KCNH1: variants seen among roughly 807,000 people sequenced by gnomAD.
KCNH1 encodes the protein potassium voltage-gated channel subfamily H member 1.
Under a neutral mutation model 69.2 loss-of-function variants are expected in KCNH1, and 27 were observed. The ratio of observed to expected loss-of-function variants is 0.39; its 90% CI spans 0.29 to 0.54. The LOEUF is 0.54. KCNH1 is among the 20% of genes least tolerant of loss of function. The pLI is 0.68. For missense variants in KCNH1, 798 were observed against 1,261.6 expected (o/e 0.63, Z 5.57); for synonymous variants, 456 against 487.7 (o/e 0.93, Z 0.86).
chr1:210,824,429 C>A (rs1052686143), intron 7 of KCNH1, among the ~76,000 whole-genome samples: 1 of 151,976 alleles, frequency 6.6e-6, no homozygotes, highest in African/African-American at 2.4e-5. Context: ...CCCCTCACTG[C>A]ATGTTAACAT....
At chr1:210,867,515 G>GA (rs1017062979) in intron 7 of KCNH1, among the ~76,000 whole-genome samples, 12 of 151,592 alleles carry the variant, frequency 7.9e-5, no homozygotes, top group African/African-American at 2.2e-4. Flanking sequence ...GGTGTTTTCT[G>GA]AAAAAAAATT....
intron 6 of KCNH1, among the ~76,000 whole-genome samples, chr1:210,934,559 A>T (rs1301052893): frequency 6.6e-6 from 1 of 152,158 alleles, no homozygotes; most frequent in Non-Finnish European, 1.5e-5. Flanking sequence ...GAATCGCTTG[A>T]AACCAGGAGG....
At chr1:211,075,275 A>G (rs962030631) in intron 5 of KCNH1, among the ~76,000 whole-genome samples, 30 of 152,236 alleles carry the variant, frequency 2.0e-4, no homozygotes, top group African/African-American at 7.0e-4. Context: ...AATGGTACAA[A>G]TGAATGCTCC....
chr1:211,052,539 G>A (rs572786916), intron 5 of KCNH1, among the ~76,000 whole-genome samples: 10 of 152,162 alleles, frequency 6.6e-5, no homozygotes, highest in Non-Finnish European at 1.2e-4. Context: ...TCATTTCAGC[G>A]TTATCACTTT....
chr1:210,991,978 T>A (rs575837264), intron 6 of KCNH1, among the ~76,000 whole-genome samples: 2 of 152,234 alleles, frequency 1.3e-5, no homozygotes, highest in African/African-American at 4.8e-5. Context: ...GAATAAATAG[T>A]AATACATAAA....
intron 7 of KCNH1, among the ~76,000 whole-genome samples, chr1:210,813,918 T>G (rs147050087): frequency 5.4e-4 from 82 of 152,288 alleles, no homozygotes; most frequent in African/African-American, 1.8e-3. Context: ...AATGGGAGTT[T>G]CCCCACACAA....
intron 6 of KCNH1, among the ~76,000 whole-genome samples, chr1:211,018,463 T>C (rs541172514): frequency 7.2e-5 from 11 of 152,336 alleles, no homozygotes; most frequent in Admixed American, 2.6e-4. Context: ...TCAGCAACTA[T>C]ATACTCAATA....
At chr1:211,026,965 C>G (rs1689695693) in intron 5 of KCNH1, among the ~76,000 whole-genome samples, 1 of 152,190 alleles carries the variant, frequency 6.6e-6, no homozygotes, top group Admixed American at 6.5e-5. Flanking sequence ...CCTCCCTCTT[C>G]TTCTGCCATA....
intron 1 of KCNH1, among the ~76,000 whole-genome samples, chr1:211,126,638 G>A (rs926418219): frequency 1.4e-5 from 2 of 145,040 alleles, no homozygotes; most frequent in Non-Finnish European, 3.0e-5. Flanking sequence ...AGCTGACATC[G>A]CACCACTCCA....
intron 6 of KCNH1, among the ~76,000 whole-genome samples, chr1:210,974,585 A>C (rs1688568980): frequency 9.4e-6 from 1 of 106,898 alleles, no homozygotes; most frequent in Non-Finnish European, 1.7e-5. Flanking sequence ...TTTTTTTGAG[A>C]TGGAGTCTCA....
At chr1:210,788,784 C>T (rs1466860472) in intron 9 of KCNH1, among the ~76,000 whole-genome samples, 1 of 143,988 alleles carries the variant, frequency 6.9e-6, no homozygotes, top group Non-Finnish European at 1.5e-5. Flanking sequence ...GCAAGCTCCG[C>T]CTCCCGGGTT....
At chr1:210,934,805 C>G (rs1024691296) in intron 6 of KCNH1, among the ~76,000 whole-genome samples, 1 of 149,682 alleles carries the variant, frequency 6.7e-6, no homozygotes, top group African/African-American at 2.5e-5. Flanking sequence ...GAGGATGAGA[C>G]GAAAAAGGAA....
intron 7 of KCNH1, among the ~76,000 whole-genome samples, chr1:210,863,119 T>C (rs1413490707): frequency 6.6e-6 from 1 of 152,210 alleles, no homozygotes; most frequent in Non-Finnish European, 1.5e-5. Context: ...CTTGAATCCA[T>C]GAAGAGCTTC....
Position 210,797,769 on chromosome 1 carries a change from GT to G in KCNH1, c.1663-10del, listed in dbSNP as rs1684347595. 4.4e-6 allele frequency: 7 copies of G among 1,606,754 alleles called. No individual in the cohort carries two copies. In the East Asian group the frequency reaches 1.6e-4, roughly 36 times the overall value. ...GGGCAGATCTGCAGGACCTAGCCAG[GT>G]ACAGAAAAAAACAGTGTGAGGGTCC... On this transcript the variant is annotated splice_polypyrimidine_tract_variant and intron_variant, in intron 8 of 10. Coordinates refer to ENST00000271751, the MANE Select transcript of KCNH1 (RefSeq NM_172362.3).
At chr1:211,040,193 A>C (rs78181206) in intron 5 of KCNH1, among the ~76,000 whole-genome samples, 1 of 150,830 alleles carries the variant, frequency 6.6e-6, no homozygotes, top group African/African-American at 2.4e-5. Flanking sequence ...TCCGTCTCAA[A>C]AAAAAAAAAA....
chr1:210,996,411 T>G (rs547268607), intron 6 of KCNH1, among the ~76,000 whole-genome samples: 65 of 152,284 alleles, frequency 4.3e-4, no homozygotes, highest in African/African-American at 1.5e-3. Context: ...GAGATCAAAC[T>G]GCAAGGTGGC....
chr1:210,952,492 A>G (rs977842973), intron 6 of KCNH1, among the ~76,000 whole-genome samples: 1 of 152,182 alleles, frequency 6.6e-6, no homozygotes, highest in East Asian at 1.9e-4. Flanking sequence ...CATCAGACAA[A>G]CCAATAATAC....
intron 7 of KCNH1, among the ~76,000 whole-genome samples, chr1:210,816,734 A>T (rs1035029052): frequency 6.6e-6 from 1 of 152,238 alleles, no homozygotes; most frequent in African/African-American, 2.4e-5. Context: ...AAAATAACAC[A>T]TAATTTTAAA....
At chr1:211,120,190 AT>A (rs112118539) in intron 1 of KCNH1, among the ~76,000 whole-genome samples, 18,556 of 141,032 alleles carry the variant, frequency 0.13, 1,101 homozygotes, top group African/African-American at 0.19. Flanking sequence ...ATATATATAC[AT>A]TTTTTTTTTT....
Sources: allele counts gnomAD v4.1 joint callset (sites outside exome capture counted in the v4.1 genomes callset), GRCh38; gene constraint gnomAD v4.1.1; transcripts MANE v1.5; gene names NCBI Gene and HGNC (gene_info 2026-07-23, HGNC 2026-07-21).